ATAD1: variants seen among roughly 807,000 people sequenced by gnomAD.
The protein encoded by ATAD1 is outer mitochondrial transmembrane helix translocase.
A neutral mutation model predicts 42.7 loss-of-function variants in ATAD1; 18 were observed. The observed-to-expected ratio is 0.42, with a 90% CI of 0.29 to 0.63. ATAD1 has a LOEUF of 0.63. Ranked by LOEUF, ATAD1 falls within the 20% of genes least tolerant of loss-of-function variation. The probability of loss-of-function intolerance (pLI) is 0.19; values close to 1 mark genes in which losing one functional copy is unlikely to be tolerated. For synonymous variants in ATAD1, 132 were observed against 143.1 expected (o/e 0.92, Z 0.55); for missense variants, 294 against 440.4 (o/e 0.67, Z 2.98).
intron 2 of ATAD1, among the ~76,000 whole-genome samples, chr10:87,808,926 C>T (rs956714681): frequency 1.3e-5 from 2 of 152,132 alleles, no homozygotes; most frequent in South Asian, 2.1e-4. Flanking sequence ...AGTGTTCCCT[C>T]GTTTCCTATA....
chr10:87,774,224 C>G (rs914600008), intron 6 of ATAD1, among the ~76,000 whole-genome samples: 1 of 152,186 alleles, frequency 6.6e-6, no homozygotes, highest in African/African-American at 2.4e-5. Context: ...ATAAATTAAT[C>G]TACAATTTTG....
At chr10:87,765,883 A>C (rs980140834) in intron 8 of ATAD1, among the ~76,000 whole-genome samples, 5 of 151,962 alleles carry the variant, frequency 3.3e-5, no homozygotes, top group African/African-American at 1.2e-4. Context: ...TAACTAAATA[A>C]ATAAACAGAA....
intron 2 of ATAD1, among the ~76,000 whole-genome samples, chr10:87,802,842 A>G (rs747239151): frequency 2.6e-5 from 4 of 152,144 alleles, no homozygotes; most frequent in Non-Finnish European, 5.9e-5. Flanking sequence ...ATATTTTTCA[A>G]TTTTTATTAT....
At chr10:87,807,461 A>G (rs892421775) in intron 2 of ATAD1, among the ~76,000 whole-genome samples, 1 of 152,210 alleles carries the variant, frequency 6.6e-6, no homozygotes, top group African/African-American at 2.4e-5. Flanking sequence ...CACGTTATTG[A>G]CAGACTTAAA....
intron 6 of ATAD1, among the ~76,000 whole-genome samples, chr10:87,771,796 CA>C (rs1855044625): frequency 6.8e-6 from 1 of 147,940 alleles, no homozygotes; most frequent in African/African-American, 2.5e-5. Flanking sequence ...TGAATAAAAA[CA>C]AAGATATATA....
chr10:87,785,607 C>T (rs1855786536), intron 4 of ATAD1, among the ~76,000 whole-genome samples: 1 of 150,386 alleles, frequency 6.6e-6, no homozygotes. Flanking sequence ...ATATAGATGG[C>T]ATGCTAGGGT....
intron 5 of ATAD1, among the ~76,000 whole-genome samples, chr10:87,777,287 G>A (rs1056530305): frequency 1.3e-5 from 2 of 151,864 alleles, no homozygotes; most frequent in Admixed American, 6.6e-5. Context: ...AAATAAAAAC[G>A]ACATGGAAAA....
intron 3 of ATAD1, among the ~76,000 whole-genome samples, chr10:87,791,658 A>C (rs1856124260): frequency 6.6e-6 from 1 of 152,192 alleles, no homozygotes; most frequent in Non-Finnish European, 1.5e-5. Context: ...TATTTTCTAG[A>C]TATGGAGATG....
chr10:87,783,893 A>T (rs2131882153), intron 5 of ATAD1, among the ~76,000 whole-genome samples: 1 of 152,106 alleles, frequency 6.6e-6, no homozygotes, highest in Non-Finnish European at 1.5e-5. Context: ...CACAAAGGAA[A>T]AATACTGACT....
chr10:87,838,454 T>C, intron 1 of ATAD1, among the ~76,000 whole-genome samples: 1 of 103,692 alleles, frequency 9.6e-6, no homozygotes, highest in Non-Finnish European at 1.8e-5. Context: ...AGAGTGAGAC[T>C]CTATCTCAAA....
chr10:87,824,060 C>A (rs972965953), intron 1 of ATAD1, among the ~76,000 whole-genome samples: 1 of 149,206 alleles, frequency 6.7e-6, no homozygotes, highest in Non-Finnish European at 1.5e-5. Context: ...GTACTCAGCT[C>A]ACAGAATTAT....
chr10:87,785,714 A>C (rs1266632531), intron 4 of ATAD1, among the ~76,000 whole-genome samples: 3 of 151,426 alleles, frequency 2.0e-5, no homozygotes, highest in Admixed American at 6.6e-5. Context: ...GAAAATTCCC[A>C]AAAATATCTC....
At chr10:87,808,581 A>C (rs553011855) in intron 2 of ATAD1, among the ~76,000 whole-genome samples, 23 of 152,246 alleles carry the variant, frequency 1.5e-4, no homozygotes, top group African/African-American at 5.1e-4. Context: ...ACAAAACAAA[A>C]AGAACACTAT....
At chr10:87,794,848 C>T (rs894687041) in intron 2 of ATAD1, among the ~76,000 whole-genome samples, 19 of 152,258 alleles carry the variant, frequency 1.2e-4, no homozygotes, top group African/African-American at 4.6e-4. Flanking sequence ...GTTTAGTTTA[C>T]ATAGAGACAG....
intron 6 of ATAD1, among the ~76,000 whole-genome samples, chr10:87,774,899 G>A (rs2131833493): frequency 6.6e-6 from 1 of 152,236 alleles, no homozygotes; most frequent in African/African-American, 2.4e-5. Context: ...GTTGCAGTGA[G>A]AGCCATGTTC....
intron 2 of ATAD1, among the ~76,000 whole-genome samples, chr10:87,800,310 G>T (rs1856626821): frequency 6.6e-6 from 1 of 151,680 alleles, no homozygotes; most frequent in African/African-American, 2.4e-5. Flanking sequence ...AACTTTTATT[G>T]CATCTCACTG....
chr10:87,770,042 T>G (rs755842018), intron 7 of ATAD1, among the ~76,000 whole-genome samples: 1 of 152,232 alleles, frequency 6.6e-6, no homozygotes, highest in Non-Finnish European at 1.5e-5. Context: ...TTTCTAAGGA[T>G]GTGCACACAC....
rs868390448 is a variant in ATAD1 at position 87,825,499 on chromosome 10, C to T, written c.-13-10887G>A. Among the ~76,000 whole-genome samples, 12 of 151,852 alleles carry T rather than the reference C, an allele frequency of 7.9e-5. No individual in the cohort carries two copies. The South Asian group carries it at 2.1e-3, about 26-fold the overall frequency. ...TAATTTTTTGTATTTTTAGTAGAGA[C>T]GGGGTTTCACCGTGTTAGCCAGGAT... is the stretch of plus-strand genomic sequence containing the variant. On this transcript the variant is annotated intron_variant, in intron 1 of 4. Coordinates refer to the ATAD1 transcript ENST00000495903.
upstream of ATAD1, among the ~76,000 whole-genome samples, chr10:87,820,057 C>T (rs186806502): frequency 1.4e-3 from 206 of 151,996 alleles, no homozygotes; most frequent in African/African-American, 4.7e-3. Flanking sequence ...TTGAGAAGAA[C>T]GGAAAGATTA....
Sources: gnomAD v4.1 joint callset for allele counts (sites outside exome capture counted in the v4.1 genomes callset) on GRCh38, gnomAD v4.1.1 for gene constraint, MANE v1.5 for transcripts, NCBI Gene and HGNC (gene_info 2026-07-23, HGNC 2026-07-21) for gene names.